Variants in UBE2E3 observed in about 807,000 individuals in gnomAD.
The protein encoded by UBE2E3 is ubiquitin conjugating enzyme E2 E3, also known as ubiquitin-conjugating enzyme E2 E3.
Under a neutral mutation model 23.6 loss-of-function variants are expected in UBE2E3, and 5 were observed. The observed-to-expected ratio is 0.21, with a 90% CI of 0.11 to 0.44. UBE2E3 has a LOEUF of 0.44. UBE2E3 is among the 20% of genes least tolerant of loss of function. The probability of loss-of-function intolerance (pLI) is 0.99; values close to 1 mark genes in which losing one functional copy is unlikely to be tolerated. For missense variants in UBE2E3, 81 were observed against 249.8 expected (o/e 0.32, Z 4.55); for synonymous variants, 78 against 87.5 (o/e 0.89, Z 0.60).
chr2:181,043,617 G>T (rs570920056), intron 3 of UBE2E3, among the ~76,000 whole-genome samples: 4 of 152,200 alleles, frequency 2.6e-5, no homozygotes, highest in African/African-American at 9.6e-5. Flanking sequence ...CTGAATTATT[G>T]TATAATATTT....
intron 3 of UBE2E3, among the ~76,000 whole-genome samples, chr2:181,029,160 A>G (rs2090558): frequency 0.23 from 35,282 of 151,800 alleles, 4,463 homozygotes; most frequent in Non-Finnish European, 0.28. Context: ...GGGCTCTTCC[A>G]TTCTATTCAT....
chr2:180,987,236 ATTGTG>A, intron 3 of UBE2E3: 1 of 1,311,622 alleles, frequency 7.6e-7, no homozygotes, highest in East Asian at 2.5e-5. Context: ...GTCAAGGGAA[ATTGTG>A]TTATGGGCAT....
Position 181,032,824 on chromosome 2 carries a change from C to A in UBE2E3, c.246-24869C>A, listed in dbSNP as rs147900630. On this transcript the variant is annotated intron_variant, in intron 3 of 5. Coordinates refer to ENST00000410062, the MANE Select transcript of UBE2E3 (RefSeq NM_006357.4). The stretch of plus-strand genomic sequence containing the variant: ...AAAATCTCCTTAAGCTGATAAGCAA[C>A]TTCAGCAAAGTCTCAGGATACAAAA... 2.3e-3 allele frequency among the ~76,000 whole-genome samples: 355 copies of A among 152,238 alleles called. 1 individual carries two copies. Among genetic ancestry groups the A allele is most frequent in the African/African-American group, 8.3e-3 (343 of 41,542 alleles).
intron 3 of UBE2E3, among the ~76,000 whole-genome samples, chr2:181,000,202 C>T (rs887332967): frequency 2.0e-5 from 3 of 152,200 alleles, no homozygotes; most frequent in African/African-American, 7.2e-5. Context: ...ATAAAACAAA[C>T]ACCTCTTTAA....
At chr2:181,028,732 A>G (rs555413370) in intron 3 of UBE2E3, among the ~76,000 whole-genome samples, 1 of 151,892 alleles carries the variant, frequency 6.6e-6, no homozygotes, top group South Asian at 2.1e-4. Context: ...CCTGCCCCCA[A>G]TTTTGTTTTA....
chr2:181,055,588 G>C (rs1202224146), intron 3 of UBE2E3, among the ~76,000 whole-genome samples: 1 of 151,736 alleles, frequency 6.6e-6, no homozygotes, highest in African/African-American at 2.4e-5. Context: ...AGGTGTCTTT[G>C]GGTACAGCAA....
At chr2:181,003,499 A>G (rs1292859926) in intron 3 of UBE2E3, among the ~76,000 whole-genome samples, 1 of 152,222 alleles carries the variant, frequency 6.6e-6, no homozygotes, top group Non-Finnish European at 1.5e-5. Flanking sequence ...TTTAAAAACA[A>G]TCTAATTACA....
At chr2:181,012,023 G>C (rs1193857906) in intron 3 of UBE2E3, among the ~76,000 whole-genome samples, 1 of 152,128 alleles carries the variant, frequency 6.6e-6, no homozygotes, top group Admixed American at 6.6e-5. Flanking sequence ...TGGAAGCATA[G>C]CTCCGCTTTG....
At chr2:181,042,024 C>G (rs1686525810) in intron 3 of UBE2E3, among the ~76,000 whole-genome samples, 1 of 152,166 alleles carries the variant, frequency 6.6e-6, no homozygotes, top group Admixed American at 6.5e-5. Context: ...CTGCATTTGT[C>G]AAAACTAAGA....
chr2:180,989,053 T>C (rs2105571908), intron 3 of UBE2E3, among the ~76,000 whole-genome samples: 1 of 152,298 alleles, frequency 6.6e-6, no homozygotes, highest in South Asian at 2.1e-4. Context: ...TAGTTTGTAT[T>C]ATTAGTTTTA....
intron 3 of UBE2E3, among the ~76,000 whole-genome samples, chr2:180,985,041 G>T (rs1356476345): frequency 6.6e-6 from 1 of 152,090 alleles, no homozygotes; most frequent in East Asian, 1.9e-4. Flanking sequence ...ATTCACTTGG[G>T]ATGATCAGAC....
rs569289355 is a variant in UBE2E3, at chr2:181,021,061, G to A, written c.246-36632G>A. 1.7e-4 allele frequency among the ~76,000 whole-genome samples: 26 copies of A among 152,298 alleles called. 1 individual carries two copies. Among genetic ancestry groups the A allele is most frequent in the Admixed American group, 9.1e-4 (14 of 15,306 alleles). On this transcript the variant is annotated intron_variant, in intron 3 of 5. Transcript: ENST00000410062. ...TCAATCATTTCTTACCCTACTATAT[G>A]TGAAAAGTAGTAATTATTTCAGGGA...
chr2:180,993,114 G>C (rs1376046199), intron 3 of UBE2E3, among the ~76,000 whole-genome samples: 2 of 152,068 alleles, frequency 1.3e-5, no homozygotes, highest in South Asian at 4.2e-4. Flanking sequence ...GTTTTATAAG[G>C]GTGTATAGAG....
chr2:181,055,287 G>T (rs921430242), intron 3 of UBE2E3, among the ~76,000 whole-genome samples: 1 of 151,724 alleles, frequency 6.6e-6, no homozygotes, highest in African/African-American at 2.4e-5. Context: ...GGGCATTGTT[G>T]GATTCTTATT....
At chr2:181,036,745 C>CT (rs1686300607) in intron 3 of UBE2E3, among the ~76,000 whole-genome samples, 1 of 152,130 alleles carries the variant, frequency 6.6e-6, no homozygotes, top group African/African-American at 2.4e-5. Flanking sequence ...TTTTTATTAA[C>CT]TTTTCTTAAC....
At chr2:181,055,301 A>G (rs949869959) in intron 3 of UBE2E3, among the ~76,000 whole-genome samples, 1 of 151,812 alleles carries the variant, frequency 6.6e-6, no homozygotes, top group African/African-American at 2.4e-5. Context: ...TCTTATTGGC[A>G]TCACTCACCA....
At chr2:181,041,998 A>G (rs1056928205) in intron 3 of UBE2E3, among the ~76,000 whole-genome samples, 1 of 152,240 alleles carries the variant, frequency 6.6e-6, no homozygotes, top group East Asian at 1.9e-4. Flanking sequence ...AAATGAGGAT[A>G]TAATTGTGGA....
intron 3 of UBE2E3, among the ~76,000 whole-genome samples, chr2:181,057,001 A>T (rs1400011436): frequency 6.6e-6 from 1 of 151,726 alleles, no homozygotes; most frequent in Non-Finnish European, 1.5e-5. Flanking sequence ...ATGAGGAAAC[A>T]TGGCAAGCTC....
intron 3 of UBE2E3, among the ~76,000 whole-genome samples, chr2:181,032,961 C>A (rs1446434269): frequency 6.6e-6 from 1 of 152,108 alleles, no homozygotes. Flanking sequence ...ACCTAGGAAT[C>A]CAACTTACAA....
Sources: allele counts gnomAD v4.1 joint callset (sites outside exome capture counted in the v4.1 genomes callset), GRCh38; gene constraint gnomAD v4.1.1; transcripts MANE v1.5; gene names NCBI Gene and HGNC (gene_info 2026-07-23, HGNC 2026-07-21).